Variants in RSF1 observed in about 807,000 individuals in gnomAD.
RSF1 encodes the protein remodeling and spacing factor 1, also known as HBV pX-associated protein 8.
RSF1 carries 13 observed loss-of-function variants against 145.2 expected under a neutral mutation model. That is an observed-to-expected ratio of 0.09 (90% CI 0.06 to 0.14). The LOEUF (loss-of-function observed/expected upper bound fraction) is 0.14, where lower values mean the gene tolerates loss of function less well. RSF1 is among the 10% of genes least tolerant of loss of function. The pLI is 1.00. For synonymous variants in RSF1, 577 were observed against 592.6 expected (o/e 0.97, Z 0.38); for missense variants, 1,517 against 1,718.2 (o/e 0.88, Z 2.07).
intron 1 of RSF1, among the ~76,000 whole-genome samples, chr11:77,770,838 C>T (rs1017184833): frequency 6.6e-6 from 1 of 152,196 alleles, no homozygotes; most frequent in African/African-American, 2.4e-5. Context: ...CCCTGTGAAA[C>T]CACCTTTCCT....
At chr11:77,827,096 C>T in the RSF1 span, among the ~76,000 whole-genome samples, 1 of 131,612 alleles carries the variant, frequency 7.6e-6, no homozygotes, top group Non-Finnish European at 1.6e-5. Flanking sequence ...CAGAGCGAAA[C>T]TCGTCTCAAA....
chr11:77,674,344 T>G (rs1297492030), intron 14 of RSF1, among the ~76,000 whole-genome samples: 1 of 152,224 alleles, frequency 6.6e-6, no homozygotes, highest in Non-Finnish European at 1.5e-5. Context: ...TTTACTCACT[T>G]AATAGGGATA....
At chr11:77,807,943 C>CA (rs1384622546) in intron 1 of RSF1, among the ~76,000 whole-genome samples, 1 of 151,990 alleles carries the variant, frequency 6.6e-6, no homozygotes, top group Non-Finnish European at 1.5e-5. Context: ...ACACAATGCA[C>CA]AAAACTTGTA....
At chr11:77,726,570 C>T (rs1399495797) in intron 4 of RSF1, among the ~76,000 whole-genome samples, 2 of 152,168 alleles carry the variant, frequency 1.3e-5, no homozygotes, top group Admixed American at 6.5e-5. Flanking sequence ...CTTGCTCAGA[C>T]AAGCAAGAAA....
chr11:77,748,805 C>T (rs999351636), intron 2 of RSF1, among the ~76,000 whole-genome samples: 2 of 152,170 alleles, frequency 1.3e-5, no homozygotes, highest in Non-Finnish European at 2.9e-5. Flanking sequence ...AGCCATTACA[C>T]TCCTAAGTAT....
At chr11:77,691,126 C>G in intron 9 of RSF1, 33 bp downstream of exon 9, 1 of 1,587,536 alleles carries the variant, frequency 6.3e-7, no homozygotes, top group South Asian at 1.1e-5. Context: ...TCTCATATTC[C>G]CAAACAAAAC....
intron 5 of RSF1, among the ~76,000 whole-genome samples, chr11:77,706,133 C>G (rs947199197): frequency 6.7e-6 from 1 of 150,106 alleles, no homozygotes; most frequent in African/African-American, 2.5e-5. Context: ...CCCAGCTACT[C>G]GAGAGGCTGA....
intron 5 of RSF1, chr11:77,702,976 C>T (rs1960461250): frequency 6.6e-6 from 1 of 152,152 alleles, no homozygotes; most frequent in African/African-American, 2.4e-5. Flanking sequence ...TATCCTATTA[C>T]CCAGAGGCAA....
At chr11:77,798,613 AAAAAAAAAAG>A (rs1948596421) in intron 1 of RSF1, among the ~76,000 whole-genome samples, 1 of 133,612 alleles carries the variant, frequency 7.5e-6, no homozygotes, top group Non-Finnish European at 1.6e-5. Context: ...AAAAAAAAAA[AAAAAAAAAAG>A]GCACATATAC....
intron 1 of RSF1, among the ~76,000 whole-genome samples, chr11:77,820,199 G>A (rs1181896844): frequency 6.6e-6 from 1 of 151,630 alleles, no homozygotes; most frequent in African/African-American, 2.4e-5. Context: ...GAGACGGGGT[G>A]GGGGGCCGCC....
At chr11:77,839,031 TG>T in the RSF1 span, among the ~76,000 whole-genome samples, 1 of 152,240 alleles carries the variant, frequency 6.6e-6, no homozygotes, top group Non-Finnish European at 1.5e-5. Context: ...ACCATATTTT[TG>T]TTTATTTCTT....
the RSF1 span, among the ~76,000 whole-genome samples, chr11:77,833,727 A>G: frequency 6.6e-6 from 1 of 152,214 alleles, no homozygotes. Context: ...AATACCTAAC[A>G]TTAAAATTCT....
chr11:77,832,640 ATATT>A, the RSF1 span, among the ~76,000 whole-genome samples: 15 of 151,006 alleles, frequency 9.9e-5, no homozygotes, highest in Non-Finnish European at 1.9e-4. Flanking sequence ...AGGAACTTTT[ATATT>A]TATTCTTCAA....
Position 77,756,517 on chromosome 11 carries a change from T to C in RSF1, c.279+8081A>G, listed in dbSNP as rs149458747. On this transcript the variant is annotated intron_variant, in intron 2 of 15. Coordinates refer to ENST00000308488, the MANE Select transcript of RSF1 (RefSeq NM_016578.4). Reference sequence around the variant, plus strand: ...TCAGTAATTCCACAAACATTTACTATGTGCCGACTATGTGGCCGGAACTAG... The same window carrying C: ...TCAGTAATTCCACAAACATTTACTACGTGCCGACTATGTGGCCGGAACTAG... Among the ~76,000 whole-genome samples the C allele has an allele frequency of 2.8e-3, 430 of 152,324 alleles. 5 individuals are homozygous for C. The highest frequency in any genetic ancestry group is 3.8e-3 in the Admixed American group (58 of 15,298).
At chr11:77,765,565 A>G (rs546292661) in intron 1 of RSF1, among the ~76,000 whole-genome samples, 100 of 152,276 alleles carry the variant, frequency 6.6e-4, no homozygotes, top group Non-Finnish European at 1.3e-3. Flanking sequence ...TTTCAATGAC[A>G]GTACTTTTAA....
At chr11:77,860,732 C>T in the RSF1 span, among the ~76,000 whole-genome samples, 8 of 152,066 alleles carry the variant, frequency 5.3e-5, no homozygotes, top group African/African-American at 1.9e-4. Context: ...TCTTCAAAGG[C>T]AAACAAGAAT....
the RSF1 span, among the ~76,000 whole-genome samples, chr11:77,844,472 C>T: frequency 5.3e-4 from 80 of 152,128 alleles, 1 homozygote; most frequent in Admixed American, 4.7e-3. Context: ...AAGGGATCTT[C>T]CTCCCTCAGC....
At chr11:77,732,241 T>C (rs1471477050) in intron 4 of RSF1, among the ~76,000 whole-genome samples, 1 of 152,242 alleles carries the variant, frequency 6.6e-6, no homozygotes, top group African/African-American at 2.4e-5. Context: ...TACAGCCCCT[T>C]TGTTTTGGCC....
chr11:77,693,918 G>A (rs1960220524), intron 7 of RSF1, among the ~76,000 whole-genome samples: 1 of 151,910 alleles, frequency 6.6e-6, no homozygotes, highest in South Asian at 2.1e-4. Context: ...CTGAGTAGCT[G>A]GGACTACAGG....
Sources: allele counts gnomAD v4.1 joint callset (sites outside exome capture counted in the v4.1 genomes callset), GRCh38; gene constraint gnomAD v4.1.1; transcripts MANE v1.5; gene names NCBI Gene and HGNC (gene_info 2026-07-23, HGNC 2026-07-21).